SNX25: variants seen among roughly 807,000 people sequenced by gnomAD.
SNX25 encodes the protein sorting nexin-25.
SNX25 carries 62 observed loss-of-function variants against 113.7 expected under a neutral mutation model. The ratio of observed to expected loss-of-function variants is 0.55; its 90% confidence interval spans 0.44 to 0.67. The LOEUF is 0.67. Ranked by LOEUF, SNX25 falls within the 30% of genes least tolerant of loss-of-function variation. SNX25 has a pLI of 0.00. For missense variants in SNX25, 1,014 were observed against 1,161.0 expected, an observed-to-expected ratio of 0.87 and a Z score of 1.84; for synonymous variants, 421 against 436.2, an observed-to-expected ratio of 0.97 and a Z score of 0.43.
chr4:185,378,544 G>T, the SNX25 span: 1 of 1,035,190 alleles, frequency 9.7e-7, no homozygotes, highest in Non-Finnish European at 1.2e-6. Context: ...TGGTGACACT[G>T]CCCACAGTCA....
intron 6 of SNX25, 57 bp downstream of exon 6, chr4:185,288,139 G>C: frequency 7.2e-7 from 1 of 1,391,704 alleles, no homozygotes; most frequent in South Asian, 1.2e-5. Context: ...TTGATCCCCG[G>C]CCTTCTCCCA....
intron 7 of SNX25, 109 bp downstream of exon 7, chr4:185,310,925 C>T: frequency 9.4e-7 from 1 of 1,062,290 alleles, no homozygotes; most frequent in Non-Finnish European, 1.3e-6. Context: ...GACATGTGTG[C>T]CATAACTACA....
intron 1 of SNX25, among the ~76,000 whole-genome samples, chr4:185,240,320 T>C (rs1378068790): frequency 6.6e-5 from 10 of 151,626 alleles, no homozygotes; most frequent in Non-Finnish European, 8.8e-5. Context: ...GCAGAGGGGC[T>C]CCTCACTTCC....
intron 12 of SNX25, among the ~76,000 whole-genome samples, chr4:185,342,577 AAG>A (rs780348666): frequency 1.3e-5 from 2 of 150,126 alleles, no homozygotes; most frequent in Non-Finnish European, 1.5e-5. Flanking sequence ...TCACATACAC[AAG>A]AGAGGCAGTA....
chr4:185,259,400 A>G (rs1469184665), intron 3 of SNX25, among the ~76,000 whole-genome samples: 4 of 152,204 alleles, frequency 2.6e-5, no homozygotes, highest in African/African-American at 9.6e-5. Context: ...GAATGAGTTT[A>G]CAGTATTTAG....
chr4:185,286,834 G>A (rs1248323292), intron 5 of SNX25, among the ~76,000 whole-genome samples: 1 of 152,130 alleles, frequency 6.6e-6, no homozygotes, highest in Non-Finnish European at 1.5e-5. Context: ...TTATCCAAAT[G>A]AAAAAATAAG....
chr4:185,314,973 A>C (rs371192747), intron 7 of SNX25, among the ~76,000 whole-genome samples: 21 of 151,820 alleles, frequency 1.4e-4, no homozygotes, highest in East Asian at 1.2e-3. Flanking sequence ...TCACGCCTGT[A>C]GTCCCAGCAC....
At chr4:185,322,947 G>C (rs1268571519) in intron 8 of SNX25, among the ~76,000 whole-genome samples, 1 of 152,172 alleles carries the variant, frequency 6.6e-6, no homozygotes, top group Non-Finnish European at 1.5e-5. Flanking sequence ...GCCTCTAGAG[G>C]AACTGTAAAG....
chr4:185,314,517 A>G (rs1294612666), intron 7 of SNX25, among the ~76,000 whole-genome samples: 1 of 152,186 alleles, frequency 6.6e-6, no homozygotes, highest in African/African-American at 2.4e-5. Context: ...GACAATTTAA[A>G]TGGAAGAGAC....
At chr4:185,218,585 C>T (rs955857739) in intron 1 of SNX25, among the ~76,000 whole-genome samples, 15 of 152,144 alleles carry the variant, frequency 9.9e-5, no homozygotes, top group Admixed American at 3.9e-4. Context: ...GTTTGTCAGC[C>T]CAGGGTTTCT....
At chr4:185,305,605 A>T (rs925152209) in intron 6 of SNX25, among the ~76,000 whole-genome samples, 4 of 152,194 alleles carry the variant, frequency 2.6e-5, no homozygotes, top group African/African-American at 9.7e-5. Context: ...GAATTATATC[A>T]TGGGCAGGGG....
intron 15 of SNX25, among the ~76,000 whole-genome samples, chr4:185,355,249 A>G (rs1482658815): frequency 6.6e-6 from 1 of 152,264 alleles, no homozygotes; most frequent in Non-Finnish European, 1.5e-5. Context: ...TGCCAGAATG[A>G]ATTACCTTTG....
chr4:185,304,232 A>G (rs1348400548), intron 6 of SNX25, among the ~76,000 whole-genome samples: 1 of 152,204 alleles, frequency 6.6e-6, no homozygotes, highest in African/African-American at 2.4e-5. Flanking sequence ...TGTAACCTCA[A>G]ACTCCTGGCT....
chr4:185,367,563 C>T (rs2095393781), downstream of SNX25, among the ~76,000 whole-genome samples: 1 of 152,072 alleles, frequency 6.6e-6, no homozygotes, highest in Non-Finnish European at 1.5e-5. Flanking sequence ...TAACATTTGG[C>T]CTCAAAGTTG....
intron 9 of SNX25, among the ~76,000 whole-genome samples, chr4:185,324,193 T>C (rs1449490160): frequency 1.3e-5 from 2 of 152,018 alleles, no homozygotes; most frequent in Non-Finnish European, 1.5e-5. Flanking sequence ...AGTAGAACTA[T>C]ATAGCCCTGG....
chr4:185,219,568 AAAAAAAG>A (rs1249527885), intron 1 of SNX25, among the ~76,000 whole-genome samples: 1 of 152,186 alleles, frequency 6.6e-6, no homozygotes, highest in East Asian at 1.9e-4. Context: ...TCAAAAAAAC[AAAAAAAG>A]AAAAAAGAAA....
At chr4:185,286,715 G>C (rs1455013196) in intron 5 of SNX25, among the ~76,000 whole-genome samples, 2 of 152,224 alleles carry the variant, frequency 1.3e-5, no homozygotes, top group Non-Finnish European at 2.9e-5. Context: ...AGGGAGACTG[G>C]ACGTTGGGCA....
chr4:185,208,061 T>A (rs1737268058), upstream of SNX25, among the ~76,000 whole-genome samples: 2 of 152,324 alleles, frequency 1.3e-5, no homozygotes, highest in Admixed American at 1.3e-4. Context: ...AATTAACAAC[T>A]ATTTTAGAGG....
chr4:185,377,427 A>G, the SNX25 span: 1 of 167,684 alleles, frequency 6.0e-6, no homozygotes, highest in Non-Finnish European at 1.3e-5. Flanking sequence ...CTCAGGCAGG[A>G]GAATAGCTTG....
Sources: allele counts gnomAD v4.1 joint callset (sites outside exome capture counted in the v4.1 genomes callset), GRCh38; gene constraint gnomAD v4.1.1; transcripts MANE v1.5; gene names NCBI Gene and HGNC (gene_info 2026-07-23, HGNC 2026-07-21).